Variants in EML3 observed in about 807,000 individuals in gnomAD.
EML3 encodes the protein echinoderm microtubule-associated protein-like 3.
Under a neutral mutation model 106.7 loss-of-function variants are expected in EML3, and 53 were observed. The ratio of observed to expected loss-of-function variants is 0.50; its 90% CI spans 0.40 to 0.62. The LOEUF (loss-of-function observed/expected upper bound fraction) is 0.62, where lower values mean the gene tolerates loss of function less well. Among genes scored for constraint, EML3 ranks in the 20% least tolerant of loss-of-function variants. The pLI is 0.00. For missense variants in EML3, 994 were observed against 1,209.1 expected, an observed-to-expected ratio of 0.82 and a Z score of 2.64; for synonymous variants, 499 against 489.6, an observed-to-expected ratio of 1.02 and a Z score of -0.25.
rs1427406556 is a variant in EML3, at chr11:62,602,278, G to A, written c.*197C>T. 3 of 1,550,442 alleles carry A rather than the reference G, an allele frequency of 1.9e-6. No homozygotes were observed. In the East Asian group the frequency reaches 7.3e-5, roughly 38 times the overall value. ...CAGCGGGAGTCAAGGCCTAGGCTGG[G>A]GCTGCCCGGCTCAGCCAGCGGGTCT... On this transcript the variant is annotated 3_prime_UTR_variant, in exon 22 of 22. Coordinates refer to ENST00000394773, the MANE Select transcript of EML3 (RefSeq NM_153265.3).
rs1565059953 is a variant in EML3 at position 62,607,677 on chromosome 11, C to G, written c.1351G>C (p.Gly451Arg). ...TATCCATGCCTCACCCCAAAGACACCCTGTTTCCGGGTAAGGGTCCCATTC... is the reference window on the plus strand; with the variant it reads ...TATCCATGCCTCACCCCAAAGACACGCTGTTTCCGGGTAAGGGTCCCATTC... The part of the protein sequence containing the change: ...PGNGTLTRKQ[G>R]VFGKYKKPKF... Residue 451 changes from glycine to arginine, a missense_variant, in exon 11 of 22, where the codon GGT (glycine) becomes CGT (arginine). Gly to Arg is a moderately radical substitution (Grantham distance 125). This residue lies in a region of EML3 where 713 missense variants were observed against 920.5 expected (regional missense o/e 0.77). Coordinates refer to ENST00000394773, the MANE Select transcript of EML3 (RefSeq NM_153265.3). 1 of 1,613,386 alleles carries G rather than the reference C, an allele frequency of 6.2e-7. No individual in the cohort carries two copies. The highest frequency in any genetic ancestry group is 8.5e-7 in the Non-Finnish European group (1 of 1,179,720).
intron 20 of EML3, 86 bp from the exon 21 acceptor site, chr11:62,602,975 C>A (rs1590739586): frequency 2.0e-6 from 3 of 1,470,886 alleles, no homozygotes; most frequent in Non-Finnish European, 2.7e-6. Flanking sequence ...CTCCGGCAGC[C>A]GCGGCCACCC....
At chr11:62,608,178 T>A in intron 10 of EML3, 23 bp downstream of exon 10, 32 of 1,599,166 alleles carry the variant, frequency 2.0e-5, no homozygotes, top group Non-Finnish European at 2.7e-5. Context: ...TCAGAGCCCC[T>A]CCAAGCCACA....
chr11:62,612,288 G>A lies in EML3; in HGVS notation c.22+148C>T. On this transcript the variant is annotated intron_variant, in intron 1 of 21. Coordinates refer to ENST00000394773, the MANE Select transcript of EML3 (RefSeq NM_153265.3). ...AGCAAGACCCAAGCAACTAGGGAGGGCGACCGGAGGAACTGTGGAGGATGC... is the reference window on the plus strand; with the variant it reads ...AGCAAGACCCAAGCAACTAGGGAGGACGACCGGAGGAACTGTGGAGGATGC... 9.2e-6 allele frequency: 7 copies of A among 758,148 alleles called. No homozygotes were observed. In the Admixed American group the frequency reaches 1.9e-4, roughly 20 times the overall value. 47.0% of individuals were successfully genotyped at this position (758,148 alleles called of 1,614,324 possible).
In EML3 at chr11:62,611,263, C is replaced by T. The variant is rs751193620; in HGVS notation, c.276G>A (p.Glu92=). The part of the protein sequence containing the change: ...SRGTQTETEV[E]LKSSPGPPGL... ...CAGGGGGTCCAGGGGATGACTTGAG[C>T]TCCACCTCTGTCTCCGTCTGGGTGC... The change falls in exon 3 of 22, where the codon GAG becomes GAA. Residue 92 remains glutamate (E), a synonymous_variant. Coordinates refer to ENST00000394773, the MANE Select transcript of EML3 (RefSeq NM_153265.3). 3.7e-6 allele frequency: 6 copies of T among 1,612,756 alleles called. No homozygotes were observed. Among genetic ancestry groups the T allele is most frequent in the Admixed American group, 1.7e-5 (1 of 59,982 alleles).
chr11:62,611,230 G>A lies in EML3; in HGVS notation c.309C>T (p.Ser103=), dbSNP rs2134407630. ...LKSSPGPPGL[S]NGPPAPQGAS... Reference sequence around the variant, plus strand: ...CCCCCTGAGGGGCTGGGGGTCCATTGCTCAGGCCAGGGGGTCCAGGGGATG... The same window carrying A: ...CCCCCTGAGGGGCTGGGGGTCCATTACTCAGGCCAGGGGGTCCAGGGGATG... Residue 103 remains serine, a synonymous_variant, in exon 3 of 22, where the codon AGC becomes AGT. Transcript: ENST00000394773. 1 of 1,611,984 alleles carries A rather than the reference G, an allele frequency of 6.2e-7. No individual in the cohort carries two copies. Among genetic ancestry groups the A allele is most frequent in the Non-Finnish European group, 8.5e-7 (1 of 1,179,876 alleles).
Position 62,602,821 on chromosome 11 carries a change from C to T in EML3, c.2425G>A (p.Val809Met), listed in dbSNP as rs773750066. The stretch of plus-strand genomic sequence containing the variant: ...TTGCAGAAGTCGTCGGCCACCGCCA[C>T]CACGCGCTCGTTGTGGGAGCGGCAC... ...SLCRSHNERV[V>M]AVADDFCKVH... is the part of the protein sequence containing the mutation. Residue 809 changes from valine to methionine, a missense_variant, in exon 21 of 22, where the codon GTG (valine) becomes ATG (methionine). Val to Met is a conservative substitution (Grantham distance 21). Transcript: ENST00000394773. 8.7e-6 allele frequency: 14 copies of T among 1,608,920 alleles called. No homozygotes were observed. Among genetic ancestry groups the T allele is most frequent in the Non-Finnish European group, 1.1e-5 (13 of 1,178,214 alleles).
At chr11:62,604,828 G>T (rs1360944062) in intron 16 of EML3, 1 of 275,060 alleles carries the variant, frequency 3.6e-6, no homozygotes, top group Admixed American at 4.9e-5. Flanking sequence ...TCACTTCCCT[G>T]TGTTTGTCTA....
In EML3 at chr11:62,609,038, G is replaced by T. The variant is rs774522482; in HGVS notation, c.853C>A (p.Arg285=). 1.9e-6 allele frequency: 3 copies of T among 1,613,976 alleles called. No individual in the cohort carries two copies. Among genetic ancestry groups the T allele is most frequent in the Non-Finnish European group, 2.5e-6 (3 of 1,180,020 alleles). Residue 285 remains arginine (R), a synonymous_variant, in exon 7 of 22, where the codon CGG becomes AGG. Coordinates refer to ENST00000394773, the MANE Select transcript of EML3 (RefSeq NM_153265.3). ...YFIACVVVLY[R]PGGGPGGPGG... is the part of the protein sequence containing the mutation. ...GGACCCCCTGGGCCTCCTCCAGGCC[G>T]GTACAGCACCACCACACAGGCGATA...
Position 62,602,897 on chromosome 11 carries a change from A to T in EML3, c.2357-8T>A. On this transcript the variant is annotated splice_region_variant and splice_polypyrimidine_tract_variant and intron_variant, in intron 20 of 21. Transcript: ENST00000394773. ...AGCCGTCCGGCCAGACGCCTAGCAC[A>T]GCGGCCGGCCTCAGCCCGACCTCCT... is the stretch of plus-strand genomic sequence containing the variant. 1.3e-6 allele frequency: 2 copies of T among 1,547,812 alleles called. No homozygotes were observed. The highest frequency in any genetic ancestry group is 1.4e-5 in the African/African-American group (1 of 73,930).
At chr11:62,603,020 A>AG (rs1285554430) in intron 20 of EML3, 129 bp downstream of exon 20, 1 of 1,508,074 alleles carries the variant, frequency 6.6e-7, no homozygotes, top group Admixed American at 2.1e-5. Context: ...CCCGGTCCCG[A>AG]GGGGCCTCCT....
At position 62,609,129 on chromosome 11, in the gene EML3, A is replaced by G; in HGVS notation, c.762T>C (p.Tyr254=). Reference sequence around the variant, plus strand: ...AGCGGGAGTCACGACCCCTGTACCCATAACTGGGGTGGAGATCACGGTCAA... The same window carrying G: ...AGCGGGAGTCACGACCCCTGTACCCGTAACTGGGGTGGAGATCACGGTCAA... ...PPETLSLDWV[Y]GYRGRDSRSN... The change falls in exon 7 of 22, where the codon TAT becomes TAC. Residue 254 remains tyrosine (Y), a synonymous_variant. Coordinates refer to ENST00000394773, the MANE Select transcript of EML3 (RefSeq NM_153265.3). 1 of 1,613,918 alleles carries G rather than the reference A, an allele frequency of 6.2e-7. No individual in the cohort carries two copies. Among genetic ancestry groups the G allele is most frequent in the Non-Finnish European group, 8.5e-7 (1 of 1,180,000 alleles).
chr11:62,607,873 C>A, intron 10 of EML3, 52 bp from the exon 11 acceptor site: 1 of 1,577,462 alleles, frequency 6.3e-7, no homozygotes, highest in Non-Finnish European at 8.6e-7. Context: ...TACCTTCATT[C>A]TACTTGACTC....
chr11:62,611,122 G>T lies in EML3; in HGVS notation c.417C>A (p.Ile139=). The T allele has an allele frequency of 6.3e-7, 1 of 1,597,496 alleles. No homozygotes were observed. The highest frequency in any genetic ancestry group is 8.5e-7 in the Non-Finnish European group (1 of 1,177,558). The stretch of plus-strand genomic sequence containing the variant: ...GCTGTGGGGGCTGCAAGGGCCTGAG[G>T]ATCCCCGGGGGGCCAGGGGAGCCAG... The part of the protein sequence containing the change: ...SGAGSPGPPG[I]LRPLQPPQRA... Residue 139 remains isoleucine (I), a synonymous_variant, in exon 3 of 22, where the codon ATC becomes ATA. Coordinates refer to ENST00000394773, the MANE Select transcript of EML3 (RefSeq NM_153265.3).
At chr11:62,603,378 C>A in intron 19 of EML3, 131 bp from the exon 20 acceptor site, 1 of 820,560 alleles carries the variant, frequency 1.2e-6, no homozygotes, top group Non-Finnish European at 2.0e-6. Context: ...GTAGTAGCAT[C>A]ACCTCCTCCC....
chr11:62,607,255 C>G, intron 11 of EML3, 156 bp from the exon 12 acceptor site: 1 of 822,104 alleles, frequency 1.2e-6, no homozygotes, highest in East Asian at 2.7e-5. Flanking sequence ...TGTGACCAGC[C>G]TGGCCAATAT....
chr11:62,603,044 A>G, intron 20 of EML3, 105 bp downstream of exon 20: 1 of 1,538,794 alleles, frequency 6.5e-7, no homozygotes, highest in Non-Finnish European at 8.8e-7. Context: ...CTGGATCTTC[A>G]GGTTTCTGGA....
chr11:62,610,968 G>A lies in EML3; in HGVS notation c.477C>T (p.Ser159=), dbSNP rs963702905. The change falls in exon 4 of 22, where the codon TCC becomes TCT. Residue 159 remains serine (S), a synonymous_variant. Transcript: ENST00000394773. ...GCCGAGGCCGCTCTGAGGGGGATGA[G>A]GAGGAGGAAGAATTTCTTCGCGGCC... is the stretch of plus-strand genomic sequence containing the variant. ...ADTPRRNSSS[S]SSPSERPRQK... is the part of the protein sequence containing the mutation. The A allele has an allele frequency of 3.1e-6, 5 of 1,613,638 alleles. No homozygotes were observed. In the African/African-American group the frequency reaches 6.7e-5, roughly 22 times the overall value.
At position 62,610,935 on chromosome 11, in the gene EML3, G is replaced by C; in HGVS notation, c.510C>G (p.Leu170=). 1 of 1,613,502 alleles carries C rather than the reference G, an allele frequency of 6.2e-7. No homozygotes were observed. The highest frequency in any genetic ancestry group is 1.1e-5 in the South Asian group (1 of 91,078). ...TGGCGGAGGAGATTGCCTTCCTGGA[G>C]AGCTTCTGCCGAGGCCGCTCTGAGG... ...SSPSERPRQK[L]SRKAISSANL... is the part of the protein sequence containing the mutation. The change falls in exon 4 of 22, where the codon CTC becomes CTG. Residue 170 remains leucine, a synonymous_variant. Transcript: ENST00000394773.
Sources: allele counts gnomAD v4.1 joint callset, GRCh38; gene constraint gnomAD v4.1.1; regional missense constraint gnomAD v4.1.1; transcripts MANE v1.5; gene names NCBI Gene and HGNC (gene_info 2026-07-23, HGNC 2026-07-21).